The following KDM3A variants were observed in gnomAD, a reference collection of about 807,000 sequenced individuals.
KDM3A encodes the protein lysine-specific demethylase 3A.
KDM3A carries 60 observed loss-of-function variants against 158.0 expected under a neutral mutation model. The observed-to-expected ratio is 0.38, with a 90% CI of 0.31 to 0.47. KDM3A has a LOEUF of 0.47. Among genes scored for constraint, KDM3A ranks in the 20% least tolerant of loss-of-function variants. The probability of loss-of-function intolerance (pLI) is 0.99; values close to 1 mark genes in which losing one functional copy is unlikely to be tolerated. For synonymous variants in KDM3A, 608 were observed against 549.3 expected, an observed-to-expected ratio of 1.11 and a Z score of -1.49; for missense variants, 1,319 against 1,574.3, an observed-to-expected ratio of 0.84 and a Z score of 2.74.
rs1402054145 is a variant in KDM3A at position 86,479,373 on chromosome 2, G to A, written c.2316+638G>A. On this transcript the variant is annotated intron_variant, in intron 15 of 25. Coordinates refer to ENST00000312912, the MANE Select transcript of KDM3A (RefSeq NM_018433.6). The stretch of plus-strand genomic sequence containing the variant: ...TGGTGTCATAAGGCAGGATGGGAGA[G>A]CAGAAGACTTGTAATATTTGGAGTC... The A allele has an allele frequency of 2.6e-5, 4 of 152,278 alleles. No individual in the cohort carries two copies. In the East Asian group the frequency reaches 7.7e-4, roughly 29 times the overall value. The allele number at this position is 152,278 out of a possible 1,614,324, so 9.4% of individuals were successfully genotyped here.
chr2:86,473,232 C>G (rs1673496139), intron 11 of KDM3A, among the ~76,000 whole-genome samples: 1 of 152,222 alleles, frequency 6.6e-6, no homozygotes, highest in South Asian at 2.1e-4. Flanking sequence ...GATCATAGCT[C>G]ACTGTGTAAC....
chr2:86,460,396 GAT>G (rs1211922982), intron 8 of KDM3A, among the ~76,000 whole-genome samples: 1 of 152,186 alleles, frequency 6.6e-6, no homozygotes, highest in Non-Finnish European at 1.5e-5. Context: ...GGGCTGGAGA[GAT>G]AAAGGGAGCA....
intron 15 of KDM3A, 30 bp from the exon 16 acceptor site, chr2:86,480,137 T>A: frequency 6.5e-7 from 1 of 1,530,858 alleles, no homozygotes; most frequent in Non-Finnish European, 9.0e-7. Context: ...CTTCAGCTTA[T>A]GTAAAATCGT....
intron 5 of KDM3A, 77 bp downstream of exon 5, chr2:86,455,264 C>T: frequency 1.3e-6 from 1 of 758,854 alleles, no homozygotes; most frequent in Non-Finnish European, 2.2e-6. Context: ...TTTAGCCTCT[C>T]ATTCATTTGC....
chr2:86,477,058 G>C (rs1459615037), intron 12 of KDM3A, among the ~76,000 whole-genome samples: 1 of 152,164 alleles, frequency 6.6e-6, no homozygotes, highest in Non-Finnish European at 1.5e-5. Context: ...ACCTGGTTTG[G>C]TTCCCTGATT....
chr2:86,478,479 C>T, intron 14 of KDM3A, 129 bp from the exon 15 acceptor site: 1 of 1,117,502 alleles, frequency 8.9e-7, no homozygotes, highest in South Asian at 1.5e-5. Flanking sequence ...GGGAAGGCCT[C>T]TGGAGCAGGA....
At chr2:86,454,866 A>G (rs529925195) in intron 4 of KDM3A, among the ~76,000 whole-genome samples, 1 of 152,266 alleles carries the variant, frequency 6.6e-6, no homozygotes, top group African/African-American at 2.4e-5. Flanking sequence ...CTAGCTTGGG[A>G]TGACTTTACT....
upstream of KDM3A, among the ~76,000 whole-genome samples, chr2:86,440,483 A>C (rs1469723273): frequency 2.0e-5 from 3 of 152,178 alleles, no homozygotes; most frequent in African/African-American, 4.8e-5. Flanking sequence ...TTGTCCTTCA[A>C]AGTCACCTTC....
At chr2:86,488,311 C>CG (rs1674286929) in intron 21 of KDM3A, 1 of 152,178 alleles carries the variant, frequency 6.6e-6, no homozygotes, top group Admixed American at 6.5e-5. Flanking sequence ...TATAACTCAT[C>CG]ACCCAGTTAT....
At chr2:86,480,919 A>G (rs922094239) in intron 16 of KDM3A, among the ~76,000 whole-genome samples, 12 of 152,208 alleles carry the variant, frequency 7.9e-5, no homozygotes, top group South Asian at 4.1e-4. Flanking sequence ...GTGATGCCCA[A>G]TCATCAATAC....
chr2:86,484,756 G>A, intron 19 of KDM3A, 186 bp from the exon 20 acceptor site: 1 of 516,218 alleles, frequency 1.9e-6, no homozygotes, highest in Non-Finnish European at 3.5e-6. Context: ...AAATAAAATG[G>A]TGGATAGTTG....
chr2:86,445,717 A>G (rs1370783994), intron 2 of KDM3A, among the ~76,000 whole-genome samples: 1 of 152,226 alleles, frequency 6.6e-6, no homozygotes, highest in Non-Finnish European at 1.5e-5. Flanking sequence ...ATGTTAGTGC[A>G]ATCTGCTGCC....
In KDM3A at chr2:86,484,888, T is replaced by A. The variant is rs375873165; in HGVS notation, c.3095-54T>A. ...CATAAAATGCTAATTTGTCATTTAT[T>A]TTGGTCTGTTTCTGAATTATAAATA... On this transcript the variant is annotated intron_variant, in intron 19 of 25. Transcript: ENST00000312912. 30 of 1,093,768 alleles carry A rather than the reference T, an allele frequency of 2.7e-5. No individual in the cohort carries two copies. The African/African-American group carries it at 4.7e-4, about 17-fold the overall frequency. The allele number at this position is 1,093,768 out of a possible 1,614,324, so 67.8% of individuals were successfully genotyped here.
At chr2:86,437,753 A>G (rs1208576753), upstream of KDM3A, among the ~76,000 whole-genome samples, 2 of 152,088 alleles carry the variant, frequency 1.3e-5, no homozygotes, top group Non-Finnish European at 2.9e-5. Context: ...TAGGGATTAC[A>G]TGTTTTATTA....
In KDM3A at chr2:86,466,480, C is replaced by G; in HGVS notation, c.1116C>G (p.Ser372=). Residue 372 remains serine, a synonymous_variant, in exon 10 of 26, where the codon TCC becomes TCG. Coordinates refer to ENST00000312912, the MANE Select transcript of KDM3A (RefSeq NM_018433.6). ...GCAAAGCAGGGTTGCTCTCAAAGTC[C>G]TCTCAGATTGGAACTGGAGACTTGA... ...DVCKAGLLSK[S]SQIGTGDLKI... is the part of the protein sequence containing the mutation. 7 of 1,613,922 alleles carry G rather than the reference C, an allele frequency of 4.3e-6. No individual in the cohort carries two copies. Among genetic ancestry groups the G allele is most frequent in the Non-Finnish European group, 5.9e-6 (7 of 1,179,836 alleles).
At chr2:86,484,481 G>A (rs968850834) in intron 19 of KDM3A, among the ~76,000 whole-genome samples, 1 of 152,198 alleles carries the variant, frequency 6.6e-6, no homozygotes, top group Admixed American at 6.5e-5. Flanking sequence ...CTTGATGGTT[G>A]ACGTGCATTG....
chr2:86,490,209 C>T (rs74797420), intron 23 of KDM3A: 4,401 of 152,598 alleles, frequency 0.029, 88 homozygotes, highest in Non-Finnish European at 0.041. Flanking sequence ...AAAGATGAGT[C>T]GTGTTCAGTT....
chr2:86,492,423 T>A lies in KDM3A; in HGVS notation c.*304T>A, dbSNP rs1409659967. The A allele has an allele frequency of 3.5e-6, 1 of 284,908 alleles. No homozygotes were observed. Among genetic ancestry groups the A allele is most frequent in the African/African-American group, 2.2e-5 (1 of 45,768 alleles). 17.6% of individuals were successfully genotyped at this position (284,908 alleles called of 1,614,324 possible). ...TACCTGCAGTTATTCTTCAGCTGTT[T>A]GGACAACTTAGATTGGGTTTATAAC... On this transcript the variant is annotated 3_prime_UTR_variant, in exon 26 of 26. Transcript: ENST00000312912.
intron 2 of KDM3A, chr2:86,443,053 T>C (rs1682802804): frequency 1.3e-5 from 2 of 152,188 alleles, no homozygotes; most frequent in Non-Finnish European, 2.9e-5. Context: ...GTGAAAGGAT[T>C]GTCTGGGAAC....
Sources: allele counts gnomAD v4.1 joint callset (sites outside exome capture counted in the v4.1 genomes callset), GRCh38; gene constraint gnomAD v4.1.1; transcripts MANE v1.5; gene names NCBI Gene and HGNC (gene_info 2026-07-23, HGNC 2026-07-21).